CAMTA1: variants seen among roughly 807,000 people sequenced by gnomAD.
CAMTA1 encodes the protein calmodulin binding transcription activator 1.
A neutral mutation model predicts 170.9 loss-of-function variants in CAMTA1; 27 were observed. The observed-to-expected ratio is 0.16, with a 90% CI of 0.12 to 0.22. The LOEUF (loss-of-function observed/expected upper bound fraction) is 0.22. CAMTA1 is among the 10% of genes least tolerant of loss of function. The pLI is 1.00. For synonymous variants in CAMTA1, 833 were observed against 891.5 expected, an observed-to-expected ratio of 0.93 and a Z score of 1.17; for missense variants, 1,619 against 2,217.2, an observed-to-expected ratio of 0.73 and a Z score of 5.42.
rs779807987 is a variant in CAMTA1, at chr1:6,928,763, A to G, written c.234+103553A>G. Among the ~76,000 whole-genome samples, 113 of 152,228 alleles carry G rather than the reference A, an allele frequency of 7.4e-4. 1 individual carries two copies. Among genetic ancestry groups the G allele is most frequent in the Admixed American group, 1.4e-3 (21 of 15,298 alleles). Reference sequence around the variant, plus strand: ...TGCCCCAGCTCATTTTCCAGGTCTCACTTTAAATGTTACTCCTTAAACAGC... The same window carrying G: ...TGCCCCAGCTCATTTTCCAGGTCTCGCTTTAAATGTTACTCCTTAAACAGC... On this transcript the variant is annotated intron_variant, in intron 3 of 22. Transcript: ENST00000303635.
At chr1:7,323,684 C>G (rs541947148) in intron 5 of CAMTA1, among the ~76,000 whole-genome samples, 2 of 152,030 alleles carry the variant, frequency 1.3e-5, no homozygotes, top group East Asian at 3.9e-4. Context: ...TGTTATTTCC[C>G]CTGCTACTAA....
chr1:7,728,465 A>AGATTGGTTCCAGAGTGCTCTGGAACAAGT (rs2096707836), intron 11 of CAMTA1, among the ~76,000 whole-genome samples: 3 of 152,340 alleles, frequency 2.0e-5, no homozygotes, highest in Admixed American at 2.0e-4. Context: ...ACTCAGTTGC[A>AGATTGGTTCCAGAGTGCTCTGGAACAAGT]GATTGGTTCC....
At chr1:7,151,193 C>T (rs527346844) in intron 4 of CAMTA1, among the ~76,000 whole-genome samples, 36 of 152,316 alleles carry the variant, frequency 2.4e-4, no homozygotes, top group Admixed American at 5.2e-4. Flanking sequence ...CTGGCGTTCG[C>T]GCCTGGCTCC....
At chr1:7,409,007 G>C (rs2090505568) in intron 5 of CAMTA1, among the ~76,000 whole-genome samples, 1 of 152,204 alleles carries the variant, frequency 6.6e-6, no homozygotes, top group South Asian at 2.1e-4. Context: ...AGCCTCCCCT[G>C]GCCCTCAGCA....
chr1:6,944,805 G>A (rs548968509), intron 3 of CAMTA1, among the ~76,000 whole-genome samples: 10 of 152,314 alleles, frequency 6.6e-5, no homozygotes, highest in African/African-American at 1.4e-4. Flanking sequence ...AAAGTGATAC[G>A]CATTCAGTAG....
At chr1:6,913,088 C>T (rs763393244) in intron 3 of CAMTA1, among the ~76,000 whole-genome samples, 1 of 152,244 alleles carries the variant, frequency 6.6e-6, no homozygotes, top group Non-Finnish European at 1.5e-5. Context: ...TTCCTCCACT[C>T]TAAATAAATT....
intron 6 of CAMTA1, among the ~76,000 whole-genome samples, chr1:7,601,742 C>G (rs1206145750): frequency 6.6e-6 from 1 of 152,232 alleles, no homozygotes; most frequent in Non-Finnish European, 1.5e-5. Flanking sequence ...AGCTGGAGAC[C>G]AGCCTGGCCA....
Position 7,300,138 on chromosome 1 carries a change from A to C in CAMTA1, c.438+50512A>C, listed in dbSNP as rs920677890. The stretch of plus-strand genomic sequence containing the variant: ...TTCTTAAAAAAAAATTCCCTTCGCA[A>C]TAAAGCACCAGATTGAATGTCCGAT... On this transcript the variant is annotated intron_variant, in intron 5 of 22. Transcript: ENST00000303635. The surrounding 1 kb of genome is among the most constrained non-coding windows in gnomAD (Gnocchi z 4.1). Among the ~76,000 whole-genome samples, 2 of 152,230 alleles carry C rather than the reference A, an allele frequency of 1.3e-5. No individual in the cohort carries two copies. The highest frequency in any genetic ancestry group is 6.5e-5 in the Admixed American group (1 of 15,290).
chr1:7,233,587 G>A (rs1196683588), intron 4 of CAMTA1, among the ~76,000 whole-genome samples: 2 of 152,186 alleles, frequency 1.3e-5, no homozygotes, highest in Non-Finnish European at 2.9e-5. Flanking sequence ...CATTTGATGA[G>A]GACTTATGGA....
intron 5 of CAMTA1, among the ~76,000 whole-genome samples, chr1:7,377,756 C>G (rs1314172561): frequency 2.0e-5 from 3 of 152,060 alleles, no homozygotes; most frequent in Non-Finnish European, 4.4e-5. Flanking sequence ...CCTGTCTCTA[C>G]TAAAAATGCA....
intron 1 of CAMTA1, among the ~76,000 whole-genome samples, chr1:6,819,580 T>A (rs1646255896): frequency 6.6e-6 from 1 of 152,236 alleles, no homozygotes; most frequent in African/African-American, 2.4e-5. Flanking sequence ...TTCCTCTATG[T>A]ACAGCACACA....
At chr1:7,424,416 A>T (rs539344540) in intron 5 of CAMTA1, among the ~76,000 whole-genome samples, 1 of 136,124 alleles carries the variant, frequency 7.3e-6, no homozygotes, top group South Asian at 2.5e-4. Context: ...CCTTTCATGA[A>T]GCAGCATTCC....
chr1:7,676,761 C>A (rs181839465), intron 10 of CAMTA1, among the ~76,000 whole-genome samples: 3 of 152,342 alleles, frequency 2.0e-5, no homozygotes, highest in East Asian at 3.9e-4. Context: ...CCATTGCCCA[C>A]GGGCCACCTC....
chr1:7,642,997 A>AG lies in CAMTA1; in HGVS notation c.664+2446dup, dbSNP rs2095776854. 6.7e-6 allele frequency among the ~76,000 whole-genome samples: 1 copy of AG among 149,956 alleles called. No homozygotes were observed. Among genetic ancestry groups the AG allele is most frequent in the Non-Finnish European group, 1.5e-5 (1 of 68,028 alleles). On this transcript the variant is annotated intron_variant, in intron 7 of 22. Coordinates refer to ENST00000303635, the MANE Select transcript of CAMTA1 (RefSeq NM_015215.4). The surrounding 1 kb of genome is among the most constrained non-coding windows in gnomAD (Gnocchi z 6.3). ...ATGGCTGAGTGCACTCCAGGCCTGC[A>AG]GGAAGTAGCCTGGAACCTCCTTTCT... is the stretch of plus-strand genomic sequence containing the variant.
At chr1:7,485,311 G>A (rs2093603626) in intron 6 of CAMTA1, among the ~76,000 whole-genome samples, 1 of 152,138 alleles carries the variant, frequency 6.6e-6, no homozygotes, top group Admixed American at 6.5e-5. Context: ...CACTCCCACT[G>A]CCTTAGGGGA....
intron 5 of CAMTA1, among the ~76,000 whole-genome samples, chr1:7,324,486 A>G (rs1678974215): frequency 1.3e-5 from 2 of 152,212 alleles, no homozygotes; most frequent in South Asian, 2.1e-4. Context: ...TATTTTTTCC[A>G]TATAGCACTT....
At chr1:6,987,079 A>G (rs1695485970) in intron 3 of CAMTA1, among the ~76,000 whole-genome samples, 1 of 151,696 alleles carries the variant, frequency 6.6e-6, no homozygotes, top group African/African-American at 2.4e-5. Context: ...TTGAAATTGA[A>G]CCCAGGGGTT....
chr1:7,437,486 C>T (rs2092384762), intron 5 of CAMTA1, among the ~76,000 whole-genome samples: 1 of 152,170 alleles, frequency 6.6e-6, no homozygotes, highest in Admixed American at 6.5e-5. Flanking sequence ...GCCCACACTC[C>T]CTGCCGTGTA....
chr1:7,103,773 A>G (rs1461130964), intron 4 of CAMTA1, among the ~76,000 whole-genome samples: 3 of 151,196 alleles, frequency 2.0e-5, no homozygotes, highest in Non-Finnish European at 2.9e-5. Context: ...CACACACAAC[A>G]CACATAACTA....
Sources: gnomAD v4.1 joint callset for allele counts (sites outside exome capture counted in the v4.1 genomes callset) on GRCh38, gnomAD v4.1.1 for gene constraint, Gnocchi (gnomAD v3.1) non-coding constraint, MANE v1.5 for transcripts, NCBI Gene and HGNC (gene_info 2026-07-23, HGNC 2026-07-21) for gene names.